The following ADHFE1 variants were observed in gnomAD, a reference collection of about 807,000 sequenced individuals.
ADHFE1 encodes hydroxyacid-oxoacid transhydrogenase, mitochondrial.
A neutral mutation model predicts 54.8 loss-of-function variants in ADHFE1; 37 were observed. The observed-to-expected ratio is 0.68, with a 90% confidence interval of 0.52 to 0.89. The LOEUF (loss-of-function observed/expected upper bound fraction) is 0.89. Among genes scored for constraint, ADHFE1 ranks in the 40% least tolerant of loss-of-function variants. The pLI, the probability that ADHFE1 is intolerant of heterozygous loss-of-function variation, is 0.00. For synonymous variants in ADHFE1, 203 were observed against 229.3 expected (o/e 0.89, Z 1.04); for missense variants, 601 against 591.2 (o/e 1.02, Z -0.17).
At chr8:66,442,295 G>A (rs1407708378) in intron 2 of ADHFE1, among the ~76,000 whole-genome samples, 1 of 150,466 alleles carries the variant, frequency 6.6e-6, no homozygotes, top group East Asian at 2.0e-4. Context: ...GCTCAAGTTA[G>A]CATTACATTC....
intron 7 of ADHFE1, 34 bp downstream of exon 7, chr8:66,447,375 C>A: frequency 1.4e-6 from 2 of 1,458,678 alleles, no homozygotes; most frequent in South Asian, 1.2e-5. Context: ...TCTCCCTTAC[C>A]TTTCAACTCC....
intron 1 of ADHFE1, among the ~76,000 whole-genome samples, chr8:66,438,784 C>A (rs752431393): frequency 9.3e-5 from 14 of 151,350 alleles, no homozygotes; most frequent in Non-Finnish European, 1.8e-4. Flanking sequence ...GGTAGAGGTC[C>A]CGAGAAAGCA....
chr8:66,459,036 A>G (rs770207054), intron 12 of ADHFE1, among the ~76,000 whole-genome samples: 8 of 152,136 alleles, frequency 5.3e-5, no homozygotes, highest in Admixed American at 2.0e-4. Context: ...TTCTATTCAT[A>G]CCTTTTCCTG....
At chr8:66,446,113 T>A (rs776713953) in intron 6 of ADHFE1, among the ~76,000 whole-genome samples, 2 of 152,182 alleles carry the variant, frequency 1.3e-5, no homozygotes, top group African/African-American at 2.4e-5. Context: ...TTCTCCCCTC[T>A]CCTGCCCTAT....
intron 8 of ADHFE1, among the ~76,000 whole-genome samples, chr8:66,451,270 T>C (rs534159235): frequency 6.6e-6 from 1 of 152,356 alleles, no homozygotes; most frequent in Admixed American, 6.5e-5. Context: ...ATCTGCTTTT[T>C]CTTCAGGCCA....
At chr8:66,433,055 G>C (rs1805283662) in intron 1 of ADHFE1, among the ~76,000 whole-genome samples, 1 of 152,182 alleles carries the variant, frequency 6.6e-6, no homozygotes, top group Admixed American at 6.5e-5. Context: ...GTGTAGAAGG[G>C]AAGGATGGAT....
chr8:66,444,268 C>T, intron 3 of ADHFE1, 99 bp from the exon 4 acceptor site: 1 of 1,133,380 alleles, frequency 8.8e-7, no homozygotes, highest in Admixed American at 1.9e-5. Flanking sequence ...GGAGTGTATA[C>T]TTTATGCTCT....
Position 66,458,143 on chromosome 8 carries a change from CT to C in ADHFE1, c.1162+981del, listed in dbSNP as rs551011748. On this transcript the variant is annotated intron_variant, in intron 12 of 13. Transcript: ENST00000396623. ...TTGGTGTTTTGCTAATACAAGAACT[CT>C]TTTAAGTAGACTTGAATATTTTATT... 3.3e-5 allele frequency among the ~76,000 whole-genome samples: 5 copies of C among 152,312 alleles called. 1 individual carries two copies. Among genetic ancestry groups the C allele is most frequent in the Admixed American group, 3.3e-4 (5 of 15,298 alleles).
chr8:66,443,734 TC>T (rs1161411200), intron 3 of ADHFE1, among the ~76,000 whole-genome samples: 1 of 152,144 alleles, frequency 6.6e-6, no homozygotes, highest in East Asian at 1.9e-4. Flanking sequence ...GGGAATGCAT[TC>T]CCAGTTTGCT....
intron 13 of ADHFE1, among the ~76,000 whole-genome samples, chr8:66,463,767 T>C (rs1807027395): frequency 6.6e-6 from 1 of 152,164 alleles, no homozygotes; most frequent in South Asian, 2.1e-4. Flanking sequence ...ACCAGAAAGG[T>C]TATTCAATGT....
chr8:66,438,185 G>A (rs2130347726), intron 1 of ADHFE1, among the ~76,000 whole-genome samples: 1 of 152,300 alleles, frequency 6.6e-6, no homozygotes, highest in Admixed American at 6.5e-5. Context: ...GGTGGCAGAG[G>A]TGGAGCCACG....
At chr8:66,438,034 A>G (rs370595170) in intron 1 of ADHFE1, among the ~76,000 whole-genome samples, 4 of 152,202 alleles carry the variant, frequency 2.6e-5, no homozygotes, top group Admixed American at 6.5e-5. Context: ...GCCCAAACCC[A>G]GAGATGGAGT....
At chr8:66,435,845 G>A (rs1230495200) in intron 1 of ADHFE1, among the ~76,000 whole-genome samples, 3 of 150,992 alleles carry the variant, frequency 2.0e-5, no homozygotes, top group Non-Finnish European at 4.4e-5. Flanking sequence ...CTGGCCCCAA[G>A]CAGTCTTCCC....
At position 66,462,843 on chromosome 8, in the gene ADHFE1, C is replaced by CA. The variant is rs1000934004; in HGVS notation, c.1320+2379dup. Among the ~76,000 whole-genome samples, 20 of 152,138 alleles carry CA rather than the reference C, an allele frequency of 1.3e-4. 2 individuals carry two copies. Among genetic ancestry groups the CA allele is most frequent in the Admixed American group, 1.2e-3 (19 of 15,270 alleles). On this transcript the variant is annotated intron_variant, in intron 13 of 13. Coordinates refer to ENST00000396623, the MANE Select transcript of ADHFE1 (RefSeq NM_144650.3). ...TTTGTTTTGTTTTTTGTTTTTGAGA[C>CA]AGAGTTTCACTCTCATTGCCCAGGC...
intron 12 of ADHFE1, among the ~76,000 whole-genome samples, chr8:66,459,119 G>A (rs1009306564): frequency 3.3e-5 from 5 of 152,216 alleles, no homozygotes; most frequent in Non-Finnish European, 1.5e-5. Context: ...CAATATGGAG[G>A]TGAAAGTAGT....
rs140583002 is a variant in ADHFE1, at chr8:66,433,968, G to A, written c.59+1393G>A. Among the ~76,000 whole-genome samples, 48 of 152,348 alleles carry A rather than the reference G, an allele frequency of 3.2e-4. 1 individual carries two copies. The highest frequency in any genetic ancestry group is 1.1e-3 in the African/African-American group (44 of 41,574). On this transcript the variant is annotated intron_variant, in intron 1 of 13. Coordinates refer to ENST00000396623, the MANE Select transcript of ADHFE1 (RefSeq NM_144650.3). ...ACACACAGAATATGTTTTTGGAATGGTTGCATGAAAAGGGAGTATGGCATA... is the reference window on the plus strand; with the variant it reads ...ACACACAGAATATGTTTTTGGAATGATTGCATGAAAAGGGAGTATGGCATA...
At chr8:66,464,108 G>T (rs1807046229) in intron 13 of ADHFE1, among the ~76,000 whole-genome samples, 1 of 152,204 alleles carries the variant, frequency 6.6e-6, no homozygotes, top group African/African-American at 2.4e-5. Context: ...GTTATTTCAT[G>T]AACGTGCTAA....
chr8:66,451,377 A>G (rs2465983), intron 8 of ADHFE1, among the ~76,000 whole-genome samples: 24,362 of 152,222 alleles, frequency 0.16, 2,111 homozygotes, highest in Middle Eastern at 0.21. Flanking sequence ...TCACAGCCAC[A>G]TCATGAACCA....
chr8:66,460,558 A>T, intron 13 of ADHFE1, 93 bp downstream of exon 13: 5 of 1,456,870 alleles, frequency 3.4e-6, no homozygotes, highest in Non-Finnish European at 4.6e-6. Context: ...AGGGATGGAA[A>T]CCAGGGCTCC....
Sources: gnomAD v4.1 joint callset for allele counts (sites outside exome capture counted in the v4.1 genomes callset) on GRCh38, gnomAD v4.1.1 for gene constraint, MANE v1.5 for transcripts, NCBI Gene and HGNC (gene_info 2026-07-23, HGNC 2026-07-21) for gene names.